Variants in ZNF135 observed in about 807,000 individuals in gnomAD.
The protein encoded by ZNF135 is zinc finger protein 135 (clone pHZ-17).
Under a neutral mutation model 12.3 loss-of-function variants are expected in ZNF135, and 11 were observed. The observed-to-expected ratio is 0.89, with a 90% CI of 0.56 to 1.48. The LOEUF is 1.48. Ranked by LOEUF, ZNF135 falls within the 40% of genes most tolerant of loss-of-function variation. The pLI is 0.00. For synonymous variants in ZNF135, 316 were observed against 312.0 expected (o/e 1.01, Z -0.14); for missense variants, 722 against 815.7 (o/e 0.89, Z 1.40).
In ZNF135 at chr19:58,069,594, C is replaced by T. The variant is rs11670848; in HGVS notation, c.*1133C>T. ...CTCATTAGAAATTGCATTGGCTGGC[C>T]AGGCGCGGTGACTTATGCCTGTAAT... On this transcript the variant is annotated 3_prime_UTR_variant, in exon 5 of 5. Coordinates refer to ENST00000313434, the MANE Select transcript of ZNF135 (RefSeq NM_001289401.2). 0.38 allele frequency: 57,691 copies of T among 151,938 alleles called. 11,089 individuals carry two copies. The highest frequency in any genetic ancestry group is 0.44 in the Admixed American group (6,719 of 15,252). 9.4% of individuals were successfully genotyped at this position (151,938 alleles called of 1,614,324 possible).
At chr19:58,066,567 G>T in intron 4 of ZNF135, 174 bp from the exon 5 acceptor site, 18 of 761,114 alleles carry the variant, frequency 2.4e-5, no homozygotes, top group East Asian at 5.5e-5. Flanking sequence ...CTTATTCTGT[G>T]TTTCCCTCTC....
chr19:58,063,496 G>C lies in ZNF135; in HGVS notation c.211G>C (p.Glu71Gln). The change falls in exon 4 of 5, where the codon GAG (glutamate) becomes CAG (glutamine). Residue 71 changes from glutamate (E) to glutamine (Q), a missense_variant. Coordinates refer to ENST00000313434, the MANE Select transcript of ZNF135 (RefSeq NM_001289401.2). This position sits in a 1 kb window ranked among gnomAD's most constrained non-coding sequence, Gnocchi z 4.4. ...CATCTCCCTGCTGGAGCAAGAGGCAGAGCTGTGGGCGGTGGAGTCTAGACT... is the reference window on the plus strand; with the variant it reads ...CATCTCCCTGCTGGAGCAAGAGGCACAGCTGTGGGCGGTGGAGTCTAGACT... ...NVISLLEQEA[E>Q]LWAVESRLPQ... 3.1e-6 allele frequency: 5 copies of C among 1,614,186 alleles called. No individual in the cohort carries two copies. The highest frequency in any genetic ancestry group is 4.2e-6 in the Non-Finnish European group (5 of 1,180,020).
Position 58,066,987 on chromosome 19 carries a change from A to G in ZNF135, c.503A>G (p.Asn168Ser). The G allele has an allele frequency of 6.2e-7, 1 of 1,614,168 alleles. No homozygotes were observed. The highest frequency in any genetic ancestry group is 8.5e-7 in the Non-Finnish European group (1 of 1,180,032). ...EQWQRNGFGE[N>S]ISLNPDLPHQ... is the part of the protein sequence containing the mutation. ...TGGCAGAGGAATGGGTTTGGGGAAAACATAAGTCTGAACCCTGATCTCCCA... is the reference window on the plus strand; with the variant it reads ...TGGCAGAGGAATGGGTTTGGGGAAAGCATAAGTCTGAACCCTGATCTCCCA... Residue 168 changes from asparagine (N) to serine (S), a missense_variant, in exon 5 of 5, where the codon AAC becomes AGC. Asn to Ser is a conservative substitution (Grantham distance 46). Coordinates refer to ENST00000313434, the MANE Select transcript of ZNF135 (RefSeq NM_001289401.2).
At position 58,067,856 on chromosome 19, in the gene ZNF135, C is replaced by G; in HGVS notation, c.1372C>G (p.Arg458Gly). ...SHSSSLSQHERTHTGEKPYEC... is the reference protein window; with the variant it reads ...SHSSSLSQHEGTHTGEKPYEC... Reference sequence around the variant, plus strand: ...CAGCTCCTCACTCAGCCAGCATGAGCGGACACACACAGGAGAGAAGCCCTA... The same window carrying G: ...CAGCTCCTCACTCAGCCAGCATGAGGGGACACACACAGGAGAGAAGCCCTA... The change falls in exon 5 of 5, where the codon CGG becomes GGG. Residue 458 changes from arginine to glycine, a missense_variant. Transcript: ENST00000313434. 1 of 1,608,610 alleles carries G rather than the reference C, an allele frequency of 6.2e-7. No individual in the cohort carries two copies. The highest frequency in any genetic ancestry group is 8.5e-7 in the Non-Finnish European group (1 of 1,178,338).
Position 58,063,627 on chromosome 19 carries a change from C to G in ZNF135, c.256+86C>G. The stretch of plus-strand genomic sequence containing the variant: ...CCTCTGCATCTGCTCTCTAATTCTT[C>G]AGAGCAAATTTACTACTCAGTCTTA... On this transcript the variant is annotated intron_variant, in intron 4 of 4. Transcript: ENST00000313434. This position sits in a 1 kb window ranked among gnomAD's most constrained non-coding sequence, Gnocchi z 4.4. 1 of 1,571,504 alleles carries G rather than the reference C, an allele frequency of 6.4e-7. No individual in the cohort carries two copies. The highest frequency in any genetic ancestry group is 8.6e-7 in the Non-Finnish European group (1 of 1,157,846).
chr19:58,066,263 G>A (rs144501466), intron 4 of ZNF135, among the ~76,000 whole-genome samples: 11 of 152,262 alleles, frequency 7.2e-5, no homozygotes, highest in Admixed American at 5.2e-4. Context: ...ATATGCTGTC[G>A]GGAAGAAGCT....
At chr19:58,061,923 A>C (rs1480781301) in intron 3 of ZNF135, among the ~76,000 whole-genome samples, 2 of 152,238 alleles carry the variant, frequency 1.3e-5, no homozygotes. Flanking sequence ...GCAGAGAAAC[A>C]TGAGGTGAGG....
chr19:58,067,291 C>G lies in ZNF135; in HGVS notation c.807C>G (p.Pro269=), dbSNP rs1260800895. The G allele has an allele frequency of 1.2e-6, 2 of 1,614,176 alleles. No homozygotes were observed. Among genetic ancestry groups the G allele is most frequent in the Non-Finnish European group, 1.7e-6 (2 of 1,180,022 alleles). The part of the protein sequence containing the change: ...KHQRIHTGEK[P]YKCTQCGRTF... ...AGAGAATCCATACTGGGGAGAAACC[C>G]TATAAATGCACTCAGTGTGGGAGGA... Residue 269 remains proline (P), a synonymous_variant, in exon 5 of 5, where the codon CCC becomes CCG. Transcript: ENST00000313434.
chr19:58,066,515 T>A (rs2074068393), intron 4 of ZNF135, among the ~76,000 whole-genome samples: 1 of 152,224 alleles, frequency 6.6e-6, no homozygotes, highest in Non-Finnish European at 1.5e-5. Flanking sequence ...TTCCTTATTC[T>A]GTTCTTTCCT....
rs34865420 is a variant in ZNF135, at chr19:58,060,985, C to CG, written c.34-588dup. Among the ~76,000 whole-genome samples, 16 of 152,062 alleles carry CG rather than the reference C, an allele frequency of 1.1e-4. No homozygotes were observed. The highest frequency in any genetic ancestry group is 1.3e-4 in the Non-Finnish European group (9 of 67,984). ...ACTAAAAATACAAAAAAAAATTAGC[C>CG]GGGGGGGTGGCGGGCGCCTGTAGTC... On this transcript the variant is annotated intron_variant, in intron 2 of 4. Coordinates refer to ENST00000313434, the MANE Select transcript of ZNF135 (RefSeq NM_001289401.2). This position sits in a 1 kb window ranked among gnomAD's most constrained non-coding sequence, Gnocchi z 4.9.
At position 58,060,078 on chromosome 19, in the gene ZNF135, C is replaced by G. The variant is rs765438597; in HGVS notation, c.33+43C>G. On this transcript the variant is annotated intron_variant, in intron 2 of 4. Coordinates refer to ENST00000313434, the MANE Select transcript of ZNF135 (RefSeq NM_001289401.2). The surrounding 1 kb of genome is among the most constrained non-coding windows in gnomAD (Gnocchi z 4.9). ...CTTGCGCGTGTCCTCCACCTCGTGC[C>G]CGGCCTCCTCGCGCGCGGCCTTCTC... is the stretch of plus-strand genomic sequence containing the variant. 3 of 1,611,396 alleles carry G rather than the reference C, an allele frequency of 1.9e-6. No individual in the cohort carries two copies. The highest frequency in any genetic ancestry group is 2.2e-5 in the South Asian group (2 of 91,034).
In ZNF135 at chr19:58,061,619, CAGG is replaced by C. The variant is rs759151754; in HGVS notation, c.79_81del (p.Glu27del). On this transcript the variant is annotated inframe_deletion, in exon 3 of 5. Transcript: ENST00000313434. ...TGAGGACGTGGTAGTGGGCTTCAGC[CAGG>C]AGGAGTGGGGGCAGCTGAAGCCTGC... The C allele has an allele frequency of 2.7e-5, 44 of 1,613,474 alleles. No homozygotes were observed. The highest frequency in any genetic ancestry group is 3.4e-5 in the Non-Finnish European group (40 of 1,179,740).
upstream of ZNF135, chr19:58,059,261 G>C: frequency 1.3e-6 from 2 of 1,581,338 alleles, no homozygotes; most frequent in Non-Finnish European, 8.5e-7. The surrounding 1 kb of genome is among the most constrained non-coding windows in gnomAD (Gnocchi z 6.5). Context: ...GGCTCGCGCC[G>C]GCGCAGTGTC....
chr19:58,059,430 T>G lies in ZNF135; in HGVS notation c.-35+120T>G, dbSNP rs1479164549. The G allele has an allele frequency of 1.1e-5, 12 of 1,093,096 alleles. No homozygotes were observed. Among genetic ancestry groups the G allele is most frequent in the South Asian group, 1.7e-5 (1 of 58,568 alleles). 67.7% of individuals were successfully genotyped at this position (1,093,096 alleles called of 1,614,324 possible). A position where few individuals can be genotyped will look rare whatever the true frequency, so the allele number is the denominator to read the frequency against. ...GGGCGAGTTTCCAGCAGCGCGCGTC[T>G]GTGTGGAGTCCGTTTTGCTGCCCGG... On this transcript the variant is annotated intron_variant, in intron 1 of 4. Coordinates refer to ENST00000313434, the MANE Select transcript of ZNF135 (RefSeq NM_001289401.2). The surrounding 1 kb of genome is among the most constrained non-coding windows in gnomAD (Gnocchi z 6.5).
chr19:58,067,841 C>G lies in ZNF135; in HGVS notation c.1357C>G (p.Leu453Val). The change falls in exon 5 of 5, where the codon CTC (leucine) becomes GTC (valine). Residue 453 changes from leucine to valine, a missense_variant. Coordinates refer to ENST00000313434, the MANE Select transcript of ZNF135 (RefSeq NM_001289401.2). ...GAAAACCTTCAGCCACAGCTCCTCA[C>G]TCAGCCAGCATGAGCGGACACACAC... ...CGKTFSHSSS[L>V]SQHERTHTGE... 1 of 1,612,580 alleles carries G rather than the reference C, an allele frequency of 6.2e-7. No homozygotes were observed. Among genetic ancestry groups the G allele is most frequent in the Non-Finnish European group, 8.5e-7 (1 of 1,179,568 alleles).
rs752571200 is a variant in ZNF135 at position 58,067,857 on chromosome 19, G to A, written c.1373G>A (p.Arg458Gln). ...SHSSSLSQHERTHTGEKPYEC... is the reference protein window; with the variant it reads ...SHSSSLSQHEQTHTGEKPYEC... ...AGCTCCTCACTCAGCCAGCATGAGC[G>A]GACACACACAGGAGAGAAGCCCTAT... The change falls in exon 5 of 5, where the codon CGG becomes CAG. Residue 458 changes from arginine (R) to glutamine (Q), a missense_variant. By Grantham distance (43) the Arg-to-Gln change is conservative. Coordinates refer to ENST00000313434, the MANE Select transcript of ZNF135 (RefSeq NM_001289401.2). The A allele has an allele frequency of 2.9e-5, 46 of 1,613,256 alleles. No individual in the cohort carries two copies. Among genetic ancestry groups the A allele is most frequent in the Middle Eastern group, 1.6e-4 (1 of 6,074 alleles).
chr19:58,067,062 G>C lies in ZNF135; in HGVS notation c.578G>C (p.Arg193Pro). Residue 193 changes from arginine (R) to proline (P), a missense_variant, in exon 5 of 5, where the codon CGT becomes CCT. By Grantham distance (103) the Arg-to-Pro change is moderately radical (BLOSUM62 -2). Coordinates refer to ENST00000313434, the MANE Select transcript of ZNF135 (RefSeq NM_001289401.2). ...ERQSPHTWGT[R>P]GKREKPDLNV... ...CAAAGCCCCCACACATGGGGAACAC[G>C]TGGAAAAAGGGAGAAGCCAGACCTA... 2.5e-6 allele frequency: 4 copies of C among 1,614,182 alleles called. No individual in the cohort carries two copies. Among genetic ancestry groups the C allele is most frequent in the Non-Finnish European group, 3.4e-6 (4 of 1,180,044 alleles).
chr19:58,060,696 G>A lies in ZNF135; in HGVS notation c.33+661G>A, dbSNP rs1019791318. 6.6e-6 allele frequency among the ~76,000 whole-genome samples: 1 copy of A among 152,196 alleles called. No homozygotes were observed. The highest frequency in any genetic ancestry group is 1.5e-5 in the Non-Finnish European group (1 of 68,036). Reference sequence around the variant, plus strand: ...AAAACCCGTACAAGGGGACTGGTGCGATGGCTTGTAGCTGTAATCCCAGCT... The same window carrying A: ...AAAACCCGTACAAGGGGACTGGTGCAATGGCTTGTAGCTGTAATCCCAGCT... On this transcript the variant is annotated intron_variant, in intron 2 of 4. Coordinates refer to ENST00000313434, the MANE Select transcript of ZNF135 (RefSeq NM_001289401.2). The surrounding 1 kb of genome is among the most constrained non-coding windows in gnomAD (Gnocchi z 4.9).
Position 58,060,168 on chromosome 19 carries a change from C to G in ZNF135, c.33+133C>G. On this transcript the variant is annotated intron_variant, in intron 2 of 4. Coordinates refer to ENST00000313434, the MANE Select transcript of ZNF135 (RefSeq NM_001289401.2). The surrounding 1 kb of genome is among the most constrained non-coding windows in gnomAD (Gnocchi z 4.9). ...TCAGCCTCCTCCTTGTGCCCGGCCC[C>G]TACTTGCGTGCCCGGCCCCTACTCG... is the stretch of plus-strand genomic sequence containing the variant. 1 of 1,543,850 alleles carries G rather than the reference C, an allele frequency of 6.5e-7. No individual in the cohort carries two copies. Among genetic ancestry groups the G allele is most frequent in the Non-Finnish European group, 8.7e-7 (1 of 1,150,716 alleles).
Sources: gnomAD v4.1 joint callset for allele counts (sites outside exome capture counted in the v4.1 genomes callset) on GRCh38, gnomAD v4.1.1 for gene constraint, Gnocchi (gnomAD v3.1) non-coding constraint, MANE v1.5 for transcripts, NCBI Gene and HGNC (gene_info 2026-07-23, HGNC 2026-07-21) for gene names.